CDH13: variants seen among roughly 807,000 people sequenced by gnomAD.
CDH13 encodes the protein cadherin-13.
CDH13 carries 24 observed loss-of-function variants against 63.8 expected under a neutral mutation model. The ratio of observed to expected loss-of-function variants is 0.38; its 90% confidence interval spans 0.27 to 0.53. The LOEUF (loss-of-function observed/expected upper bound fraction) is 0.53, where lower values mean the gene tolerates loss of function less well. Ranked by LOEUF, CDH13 falls within the 20% of genes least tolerant of loss-of-function variation. CDH13 has a pLI of 0.85. For missense variants in CDH13, 1,049 were observed against 903.1 expected (o/e 1.16, Z -2.07); for synonymous variants, 503 against 355.3 (o/e 1.42, Z -4.67).
intron 6 of CDH13, chr16:83,398,067 A>G (rs2091914121): frequency 6.6e-6 from 1 of 152,360 alleles, no homozygotes; most frequent in Admixed American, 6.5e-5. Context: ...AGACCAGTGT[A>G]TCCGAAGCTT....
chr16:83,379,055 A>T (rs1450450862), intron 6 of CDH13, among the ~76,000 whole-genome samples: 1 of 151,950 alleles, frequency 6.6e-6, no homozygotes, highest in East Asian at 1.9e-4. Flanking sequence ...CTTATCCTTG[A>T]TGTCATATTT....
Position 83,670,384 on chromosome 16 carries a change from G to C in CDH13, c.1102-406G>C, listed in dbSNP as rs573552907. ...TCAGGACAGGTGTTCTTGGCCACCA[G>C]GTTGCTCCCCTCCATGTGGTGACTC... is the stretch of plus-strand genomic sequence containing the variant. On this transcript the variant is annotated intron_variant, in intron 8 of 13. Transcript: ENST00000567109. 3.3e-5 allele frequency among the ~76,000 whole-genome samples: 5 copies of C among 152,182 alleles called. No homozygotes were observed. The South Asian group carries it at 8.3e-4, about 25-fold the overall frequency.
At chr16:83,439,897 A>G (rs1011355666) in intron 6 of CDH13, among the ~76,000 whole-genome samples, 3 of 152,186 alleles carry the variant, frequency 2.0e-5, no homozygotes, top group Admixed American at 1.3e-4. Context: ...AACAAAGTCC[A>G]AATTCTATGT....
At chr16:83,534,111 A>C (rs745408090) in intron 7 of CDH13, among the ~76,000 whole-genome samples, 1 of 152,122 alleles carries the variant, frequency 6.6e-6, no homozygotes, top group Non-Finnish European at 1.5e-5. Flanking sequence ...CATACCTGTT[A>C]AGTAGTTGCT....
intron 6 of CDH13, among the ~76,000 whole-genome samples, chr16:83,394,650 A>G (rs2091851032): frequency 6.6e-6 from 1 of 152,218 alleles, no homozygotes; most frequent in Admixed American, 6.5e-5. Flanking sequence ...TGCATTTTAT[A>G]GGACCTCCCT....
chr16:83,092,796 A>T (rs974837208), intron 3 of CDH13, among the ~76,000 whole-genome samples: 1 of 152,202 alleles, frequency 6.6e-6, no homozygotes, highest in Non-Finnish European at 1.5e-5. Context: ...CCAAATCTAG[A>T]ATCTCCCAAG....
At chr16:83,345,094 G>C in intron 6 of CDH13, 88 bp downstream of exon 6, 1 of 1,423,142 alleles carries the variant, frequency 7.0e-7, no homozygotes, top group African/African-American at 1.4e-5. Context: ...TCTTATGGCT[G>C]TTCCAACTTG....
chr16:83,501,709 T>C (rs1338408232), intron 7 of CDH13, among the ~76,000 whole-genome samples: 1 of 152,158 alleles, frequency 6.6e-6, no homozygotes, highest in African/African-American at 2.4e-5. Context: ...AGCCAGGGCA[T>C]TGGATTTGAC....
At chr16:82,676,895 T>TGTTTTGTTTC (rs1382097026) in intron 1 of CDH13, among the ~76,000 whole-genome samples, 1,755 of 150,810 alleles carry the variant, frequency 0.012, 12 homozygotes, top group Non-Finnish European at 0.019. Flanking sequence ...TGTTTTGTTT[T>TGTTTTGTTTC]GTTTTTTTCA....
chr16:83,425,912 A>G (rs1372451452), intron 6 of CDH13, among the ~76,000 whole-genome samples: 1 of 152,290 alleles, frequency 6.6e-6, no homozygotes, highest in East Asian at 1.9e-4. Flanking sequence ...ACAGCATTGA[A>G]CCACCCCAAT....
At chr16:83,392,858 A>T (rs180807653) in intron 6 of CDH13, among the ~76,000 whole-genome samples, 53 of 152,164 alleles carry the variant, frequency 3.5e-4, no homozygotes, top group African/African-American at 1.2e-3. Flanking sequence ...TTCTAGAAGG[A>T]GGTGGGCCTG....
chr16:82,845,966 T>C (rs1183737183), intron 1 of CDH13, among the ~76,000 whole-genome samples: 1 of 152,222 alleles, frequency 6.6e-6, no homozygotes, highest in Non-Finnish European at 1.5e-5. Flanking sequence ...GTTAATTCCA[T>C]TTAGACAAAA....
Position 83,047,606 on chromosome 16 carries a change from A to G in CDH13, c.366+15388A>G, listed in dbSNP as rs1165607354. Among the ~76,000 whole-genome samples, 1 of 152,244 alleles carries G rather than the reference A, an allele frequency of 6.6e-6. No homozygotes were observed. Among genetic ancestry groups the G allele is most frequent in the East Asian group, 1.9e-4 (1 of 5,200 alleles). ...CTGTATTTTCCCAAATTCTGCATAA[A>G]TAAAATAATATGCTCCATAATGGCA... On this transcript the variant is annotated intron_variant, in intron 3 of 13. Transcript: ENST00000567109. The surrounding 1 kb of genome is among the most constrained non-coding windows in gnomAD (Gnocchi z 4.9).
chr16:83,017,201 C>G (rs1028062208), intron 2 of CDH13, among the ~76,000 whole-genome samples: 4 of 152,036 alleles, frequency 2.6e-5, no homozygotes, highest in African/African-American at 9.7e-5. Context: ...TTTCCTTGAC[C>G]CTCTTCAGAG....
intron 7 of CDH13, among the ~76,000 whole-genome samples, chr16:83,597,975 G>C (rs1011132837): frequency 1.6e-4 from 24 of 152,204 alleles, no homozygotes; most frequent in Admixed American, 1.6e-3. Flanking sequence ...TTTGGAGAAA[G>C]AGACTTGTTT....
At chr16:83,066,358 G>T (rs1273068998) in intron 3 of CDH13, among the ~76,000 whole-genome samples, 1 of 152,128 alleles carries the variant, frequency 6.6e-6, no homozygotes, top group East Asian at 1.9e-4. Flanking sequence ...AGACATGCAG[G>T]CTTCCCAAGA....
rs555411513 is a variant in CDH13, at chr16:83,273,445, C to G, written c.636+55948C>G. Among the ~76,000 whole-genome samples, 3 of 151,936 alleles carry G rather than the reference C, an allele frequency of 2.0e-5. No homozygotes were observed. The East Asian group carries it at 5.8e-4, about 29-fold the overall frequency. ...ATTAGCTCCCACTTATAAGTGAGAA[C>G]AAGGGCATTTGCTTTTTTCTTCCTG... is the stretch of plus-strand genomic sequence containing the variant. On this transcript the variant is annotated intron_variant, in intron 5 of 13. Coordinates refer to ENST00000567109, the MANE Select transcript of CDH13 (RefSeq NM_001257.5).
At chr16:83,690,351 C>G (rs1362037501) in intron 10 of CDH13, among the ~76,000 whole-genome samples, 1 of 152,120 alleles carries the variant, frequency 6.6e-6, no homozygotes, top group African/African-American at 2.4e-5. Flanking sequence ...CAGCAGAAGC[C>G]TCACCAGTGC....
At chr16:82,735,486 A>T (rs938447528) in intron 1 of CDH13, among the ~76,000 whole-genome samples, 16 of 152,208 alleles carry the variant, frequency 1.1e-4, no homozygotes, top group African/African-American at 3.9e-4. Context: ...ATCGCCTTGG[A>T]TTTGAGATTC....
Sources: allele counts gnomAD v4.1 joint callset (sites outside exome capture counted in the v4.1 genomes callset), GRCh38; gene constraint gnomAD v4.1.1; non-coding constraint Gnocchi (gnomAD v3.1); transcripts MANE v1.5; gene names NCBI Gene and HGNC (gene_info 2026-07-23, HGNC 2026-07-21).